Variants in MAGI1 observed in about 807,000 individuals in gnomAD.
The protein encoded by MAGI1 is membrane-associated guanylate kinase, WW and PDZ domain-containing protein 1.
In MAGI1, 58 loss-of-function variants were observed where a neutral mutation model predicts 139.9. The observed-to-expected ratio is 0.41, with a 90% CI of 0.34 to 0.52. The LOEUF is 0.52. MAGI1 is among the 20% of genes least tolerant of loss of function. The probability of loss-of-function intolerance (pLI) is 0.12; values close to 1 mark genes in which losing one functional copy is unlikely to be tolerated. For synonymous variants in MAGI1, 812 were observed against 737.9 expected (o/e 1.10, Z -1.63); for missense variants, 1,874 against 1,901.6 (o/e 0.99, Z 0.27).
At chr3:65,724,425 T>G (rs1253424050) in intron 1 of MAGI1, among the ~76,000 whole-genome samples, 1 of 152,214 alleles carries the variant, frequency 6.6e-6, no homozygotes, top group Non-Finnish European at 1.5e-5. Flanking sequence ...AGTATAGTCA[T>G]AACTACAAAG....
chr3:65,611,537 A>C (rs533005118), intron 2 of MAGI1, among the ~76,000 whole-genome samples: 8 of 145,464 alleles, frequency 5.5e-5, no homozygotes, highest in Admixed American at 2.8e-4. Flanking sequence ...AGAATACTCT[A>C]TATATACTAT....
intron 1 of MAGI1, among the ~76,000 whole-genome samples, chr3:65,989,774 G>A (rs896152799): frequency 6.6e-6 from 1 of 152,166 alleles, no homozygotes; most frequent in African/African-American, 2.4e-5. Flanking sequence ...CTGGCCTCAA[G>A]TGACCCGCCC....
At chr3:65,884,668 G>A (rs997739107) in intron 1 of MAGI1, among the ~76,000 whole-genome samples, 1 of 151,988 alleles carries the variant, frequency 6.6e-6, no homozygotes, top group Admixed American at 6.6e-5. Flanking sequence ...TGATGCTGGG[G>A]TTTGGGCTTC....
At chr3:65,502,583 C>A (rs2077123843) in intron 2 of MAGI1, among the ~76,000 whole-genome samples, 1 of 152,192 alleles carries the variant, frequency 6.6e-6, no homozygotes. Flanking sequence ...ATAACAAGAA[C>A]TGTCTGGTGA....
chr3:65,500,048 G>A (rs181471593), intron 2 of MAGI1, among the ~76,000 whole-genome samples: 5 of 152,176 alleles, frequency 3.3e-5, no homozygotes, highest in Admixed American at 3.3e-4. Context: ...ACATGCAAAC[G>A]ACTTATAGAC....
chr3:65,577,289 A>G (rs2081218440), intron 2 of MAGI1, among the ~76,000 whole-genome samples: 2 of 152,194 alleles, frequency 1.3e-5, no homozygotes, highest in African/African-American at 4.8e-5. Context: ...ATTTCATGCA[A>G]TATTTTTTAA....
At chr3:65,718,664 A>G (rs968736082) in intron 1 of MAGI1, 1 of 152,182 alleles carries the variant, frequency 6.6e-6, no homozygotes, top group African/African-American at 2.4e-5. Context: ...AGATCAAATT[A>G]TTACAGGATT....
At chr3:65,751,483 G>GCA (rs1190758064) in intron 1 of MAGI1, among the ~76,000 whole-genome samples, 1 of 152,098 alleles carries the variant, frequency 6.6e-6, no homozygotes, top group Non-Finnish European at 1.5e-5. Context: ...GGAGAAAAGG[G>GCA]CACTGTTCTA....
chr3:65,497,403 T>C (rs1952534809), intron 2 of MAGI1, among the ~76,000 whole-genome samples: 1 of 152,120 alleles, frequency 6.6e-6, no homozygotes, highest in African/African-American at 2.4e-5. Context: ...GAAAAAGCTG[T>C]TCAGCCAGCT....
At chr3:65,526,683 T>G (rs17073054) in intron 2 of MAGI1, among the ~76,000 whole-genome samples, 77,760 of 152,030 alleles carry the variant, frequency 0.51, 21,043 homozygotes, top group East Asian at 0.77. Context: ...TTCTCATCAC[T>G]TTAAATACAA....
chr3:66,037,136 T>C (rs2068970398), intron 1 of MAGI1, among the ~76,000 whole-genome samples: 1 of 152,188 alleles, frequency 6.6e-6, no homozygotes, highest in Non-Finnish European at 1.5e-5. Flanking sequence ...AGCAAGTCAC[T>C]TAACCAGTAT....
intron 2 of MAGI1, among the ~76,000 whole-genome samples, chr3:65,570,960 T>TA (rs766022721): frequency 1.3e-5 from 2 of 152,160 alleles, no homozygotes; most frequent in Non-Finnish European, 2.9e-5. Flanking sequence ...TTGCCAATGG[T>TA]ATCTGTAGAA....
At chr3:65,805,630 C>A (rs2040804417) in intron 1 of MAGI1, among the ~76,000 whole-genome samples, 1 of 152,178 alleles carries the variant, frequency 6.6e-6, no homozygotes, top group Non-Finnish European at 1.5e-5. Flanking sequence ...TACAAAGGTA[C>A]ATGCACGTGT....
At chr3:65,735,760 G>C (rs952795077) in intron 1 of MAGI1, among the ~76,000 whole-genome samples, 2 of 152,178 alleles carry the variant, frequency 1.3e-5, no homozygotes, top group South Asian at 2.1e-4. Context: ...CCTCTGCTAA[G>C]TTTCACTTAC....
chr3:66,029,773 G>A (rs1243683539), intron 1 of MAGI1, among the ~76,000 whole-genome samples: 2 of 152,172 alleles, frequency 1.3e-5, no homozygotes, highest in African/African-American at 4.8e-5. Flanking sequence ...AGGGATTCAT[G>A]TTGGTGGGGA....
rs559922992 is a variant in MAGI1 at position 65,743,533 on chromosome 3, T to G, written c.314-121445A>C. 1.3e-5 allele frequency among the ~76,000 whole-genome samples: 2 copies of G among 151,062 alleles called. 1 individual carries two copies. Among genetic ancestry groups the G allele is most frequent in the South Asian group, 4.2e-4 (2 of 4,752 alleles). Reference sequence around the variant, plus strand: ...GACCAGCCTGGCCAACATGGTGAAATCTCATCTCTAATAAAAATACAAAAA... The same window carrying G: ...GACCAGCCTGGCCAACATGGTGAAAGCTCATCTCTAATAAAAATACAAAAA... On this transcript the variant is annotated intron_variant, in intron 1 of 22. Transcript: ENST00000402939.
At chr3:65,511,115 G>C (rs1170548158) in intron 2 of MAGI1, among the ~76,000 whole-genome samples, 2 of 149,132 alleles carry the variant, frequency 1.3e-5, no homozygotes, top group African/African-American at 2.4e-5. Context: ...GAGAGATTTT[G>C]TCACCACCAG....
At chr3:65,870,567 G>A (rs2059903424) in intron 1 of MAGI1, among the ~76,000 whole-genome samples, 1 of 150,448 alleles carries the variant, frequency 6.6e-6, no homozygotes, top group Admixed American at 6.6e-5. Context: ...GACAGTAAGA[G>A]AGTCAAATCA....
intron 1 of MAGI1, among the ~76,000 whole-genome samples, chr3:65,950,090 CA>C (rs1269489815): frequency 1.9e-3 from 33 of 17,072 alleles, no homozygotes; most frequent in African/African-American, 4.5e-3. Context: ...AAAAAAAAAA[CA>C]AACAAAAAAA....
Sources: allele counts gnomAD v4.1 joint callset (sites outside exome capture counted in the v4.1 genomes callset), GRCh38; gene constraint gnomAD v4.1.1; transcripts MANE v1.5; gene names NCBI Gene and HGNC (gene_info 2026-07-23, HGNC 2026-07-21).